Variants in PTPDC1 observed in about 807,000 individuals in gnomAD.
PTPDC1 encodes protein tyrosine phosphatase domain-containing protein 1.
PTPDC1 carries 53 observed loss-of-function variants against 75.3 expected under a neutral mutation model. The ratio of observed to expected loss-of-function variants is 0.70; its 90% confidence interval spans 0.56 to 0.88. The LOEUF (loss-of-function observed/expected upper bound fraction) is 0.88, where lower values mean the gene tolerates loss of function less well. PTPDC1 is among the 40% of genes least tolerant of loss of function. The pLI is 0.00. For synonymous variants in PTPDC1, 349 were observed against 366.2 expected (o/e 0.95, Z 0.54); for missense variants, 925 against 998.6 (o/e 0.93, Z 0.99).
exon 2 of PTPDC1, chr9:94,064,792 A>G (rs745776293): frequency 1.9e-6 from 3 of 1,613,728 alleles, no homozygotes; most frequent in South Asian, 1.1e-5. Context: ...ACCTTGGTGA[A>G]TAACAGCGAG....
upstream of PTPDC1, among the ~76,000 whole-genome samples, chr9:94,079,974 C>T (rs988004206): frequency 1.3e-5 from 2 of 152,180 alleles, no homozygotes; most frequent in Non-Finnish European, 2.9e-5. Flanking sequence ...AGTGGCGAAG[C>T]CTGAGCCAGA....
intron 2 of PTPDC1, among the ~76,000 whole-genome samples, chr9:94,075,125 C>A (rs1042489483): frequency 7.9e-6 from 1 of 127,290 alleles, no homozygotes; most frequent in African/African-American, 4.1e-5. Flanking sequence ...CCATTTCTAT[C>A]TGATGGGGGG....
chr9:94,085,975 GCT>G (rs1491234496), intron 2 of PTPDC1, among the ~76,000 whole-genome samples: 3 of 152,034 alleles, frequency 2.0e-5, no homozygotes, highest in African/African-American at 7.2e-5. Context: ...TAATCATACT[GCT>G]TTTTATTAAA....
intron 1 of PTPDC1, among the ~76,000 whole-genome samples, chr9:94,058,379 G>A (rs913395260): frequency 6.6e-6 from 1 of 152,050 alleles, no homozygotes; most frequent in African/African-American, 2.4e-5. Context: ...CTGTGTTGAA[G>A]ATATATATTA....
At chr9:94,092,737 C>G (rs1312829555) in intron 4 of PTPDC1, among the ~76,000 whole-genome samples, 2 of 146,330 alleles carry the variant, frequency 1.4e-5, no homozygotes, top group Non-Finnish European at 3.0e-5. Context: ...TTGTAGGTCA[C>G]TCAGGACTTG....
At chr9:94,096,013 T>C (rs939028219) in intron 5 of PTPDC1, among the ~76,000 whole-genome samples, 7 of 152,210 alleles carry the variant, frequency 4.6e-5, no homozygotes, top group Admixed American at 6.5e-5. Context: ...CTTTCCATTT[T>C]TGGAGGTATA....
chr9:94,059,115 C>T (rs1337561047), intron 1 of PTPDC1, among the ~76,000 whole-genome samples: 1 of 152,110 alleles, frequency 6.6e-6, no homozygotes, highest in Non-Finnish European at 1.5e-5. Context: ...CCATTTGACA[C>T]TTATCCTTGC....
chr9:94,048,517 G>T (rs1825686807), intron 1 of PTPDC1, among the ~76,000 whole-genome samples: 1 of 152,198 alleles, frequency 6.6e-6, no homozygotes, highest in Admixed American at 6.5e-5. Flanking sequence ...GAGCGGTTTT[G>T]AGTGAGTTTC....
chr9:94,059,849 G>A (rs1826075078), intron 1 of PTPDC1, among the ~76,000 whole-genome samples: 1 of 152,050 alleles, frequency 6.6e-6, no homozygotes, highest in African/African-American at 2.4e-5. Context: ...CAAAATATAT[G>A]GACCAGCTTT....
chr9:94,099,109 C>T (rs1159514924), intron 6 of PTPDC1, among the ~76,000 whole-genome samples: 1 of 152,258 alleles, frequency 6.6e-6, no homozygotes, highest in African/African-American at 2.4e-5. Context: ...ATCAGGAGAG[C>T]AAGTGGGTGA....
chr9:94,098,679 G>A (rs1564035881), intron 6 of PTPDC1, 100 bp downstream of exon 6: 1 of 1,034,768 alleles, frequency 9.7e-7, no homozygotes, highest in East Asian at 2.6e-5. Flanking sequence ...ATAGAAATGT[G>A]AAGATACGTT....
intron 1 of PTPDC1, among the ~76,000 whole-genome samples, chr9:94,052,042 A>G (rs1453914901): frequency 6.6e-6 from 1 of 152,094 alleles, no homozygotes; most frequent in Non-Finnish European, 1.5e-5. Flanking sequence ...ATAAATTTTG[A>G]TGTTGTGTTT....
Position 94,095,992 on chromosome 9 carries a change from G to C in PTPDC1, c.754+538G>C, listed in dbSNP as rs531696161. 2.9e-4 allele frequency among the ~76,000 whole-genome samples: 44 copies of C among 152,284 alleles called. 1 individual carries two copies. The highest frequency in any genetic ancestry group is 1.0e-3 in the African/African-American group (43 of 41,572). On this transcript the variant is annotated intron_variant, in intron 5 of 8. Coordinates refer to ENST00000620992, the MANE Select transcript of PTPDC1 (RefSeq NM_001253829.2). ...TTAAATCCATGGTTGTCTGACTCCAGAGTTCATGTGCTTTCCATTTTTGGA... is the reference window on the plus strand; with the variant it reads ...TTAAATCCATGGTTGTCTGACTCCACAGTTCATGTGCTTTCCATTTTTGGA...
chr9:94,061,727 G>T (rs1826145487), intron 1 of PTPDC1, among the ~76,000 whole-genome samples: 1 of 152,240 alleles, frequency 6.6e-6, no homozygotes, highest in Non-Finnish European at 1.5e-5. Flanking sequence ...AGCTGGAGCT[G>T]CTGGGGTGCA....
chr9:94,093,060 A>T (rs541248628), intron 4 of PTPDC1, among the ~76,000 whole-genome samples: 1 of 152,206 alleles, frequency 6.6e-6, no homozygotes, highest in Non-Finnish European at 1.5e-5. Context: ...TGTGTCTTTT[A>T]ATTGGAGCAT....
chr9:94,053,538 T>A (rs1825847052), intron 1 of PTPDC1, among the ~76,000 whole-genome samples: 3 of 152,132 alleles, frequency 2.0e-5, no homozygotes, highest in African/African-American at 7.2e-5. Context: ...TTTTATGGCA[T>A]CCGAGCCACA....
chr9:94,085,118 T>G, intron 1 of PTPDC1, 133 bp from the exon 2 acceptor site: 1 of 770,692 alleles, frequency 1.3e-6, no homozygotes, highest in African/African-American at 1.8e-5. Context: ...CAGTTTTGTT[T>G]TCTTGACAAG....
chr9:94,096,256 G>A lies in PTPDC1; in HGVS notation c.754+802G>A, dbSNP rs183750084. ...ATCTGCCACATACCTGGAAGCATGCGCAGGGGAGGGGACTCAGCTCTGCTT... is the reference window on the plus strand; with the variant it reads ...ATCTGCCACATACCTGGAAGCATGCACAGGGGAGGGGACTCAGCTCTGCTT... On this transcript the variant is annotated intron_variant, in intron 5 of 8. Coordinates refer to ENST00000620992, the MANE Select transcript of PTPDC1 (RefSeq NM_001253829.2). 6.6e-5 allele frequency among the ~76,000 whole-genome samples: 10 copies of A among 152,288 alleles called. No homozygotes were observed. In the East Asian group the frequency reaches 1.7e-3, roughly 26 times the overall value.
chr9:94,084,921 A>G lies in PTPDC1; in HGVS notation c.244+147A>G, dbSNP rs968594390. On this transcript the variant is annotated intron_variant, in intron 1 of 8. Coordinates refer to ENST00000620992, the MANE Select transcript of PTPDC1 (RefSeq NM_001253829.2). Reference sequence around the variant, plus strand: ...TCTGTTATGCTATTTTAGTGAATATATAAGAGGATATAAAATGATCAAATG... The same window carrying G: ...TCTGTTATGCTATTTTAGTGAATATGTAAGAGGATATAAAATGATCAAATG... The G allele has an allele frequency of 1.1e-5, 7 of 624,234 alleles. No individual in the cohort carries two copies. The East Asian group carries it at 1.5e-4, about 13-fold the overall frequency. The allele number at this position is 624,234 out of a possible 1,614,324, so 38.7% of individuals were successfully genotyped here.
Sources: allele counts gnomAD v4.1 joint callset (sites outside exome capture counted in the v4.1 genomes callset), GRCh38; gene constraint gnomAD v4.1.1; transcripts MANE v1.5; gene names NCBI Gene and HGNC (gene_info 2026-07-23, HGNC 2026-07-21).